Variants in FGF16 observed in about 807,000 individuals in gnomAD.
The protein encoded by FGF16 is fibroblast growth factor 16.
FGF16 carries 2 observed loss-of-function variants against 8.5 expected under a neutral mutation model. The observed-to-expected ratio is 0.24, with a 90% confidence interval of 0.10 to 0.75. The LOEUF (loss-of-function observed/expected upper bound fraction) is 0.75. FGF16 is among the 30% of genes least tolerant of loss of function. FGF16 has a pLI of 0.74. For synonymous variants in FGF16, 33 were observed against 34.6 expected (o/e 0.95, Z 0.16); for missense variants, 79 against 87.4 (o/e 0.90, Z 0.38).
chrX:77,447,904 C>T lies in FGF16; in HGVS notation c.230C>T (p.Pro77Leu). Residue 77 changes from proline (P) to leucine (L), a missense_variant, in exon 1 of 3, where the codon CCC (proline) becomes CTC (leucine). Transcript: ENST00000439435. Reference sequence around the variant, plus strand: ...ACCGGCTTCCACCTGGAGATCTTCCCCAACGGCACGGTGCACGGGACCCGC... The same window carrying T: ...ACCGGCTTCCACCTGGAGATCTTCCTCAACGGCACGGTGCACGGGACCCGC... ...CRTGFHLEIF[P>L]NGTVHGTRHD... 6.7e-6 allele frequency: 2 copies of T among 298,195 alleles called. No individual in the cohort carries two copies. Among genetic ancestry groups the T allele is most frequent in the Non-Finnish European group, 1.2e-5 (2 of 170,416 alleles). 24.6% of individuals were successfully genotyped at this position (298,195 alleles called of 1,213,427 possible).
chrX:77,453,789 AC>A (rs1298890691), intron 1 of FGF16, among the ~76,000 whole-genome samples: 1 of 111,447 alleles, frequency 9.0e-6, no homozygotes, highest in Non-Finnish European at 1.9e-5. Context: ...AGATACAGAA[AC>A]CTGTCCTTCT....
chrX:77,454,310 G>A (rs1415768172), intron 2 of FGF16, 50 bp downstream of exon 2: 1 of 624,232 alleles, frequency 1.6e-6, no homozygotes, highest in South Asian at 3.0e-5. Context: ...TTTGGTCAGA[G>A]GTTATTACAA....
In FGF16 at chrX:77,456,650, G is replaced by T. The variant is rs2062573427; in HGVS notation, c.*128G>T. The T allele has an allele frequency of 1.5e-6, 1 of 647,728 alleles. No homozygotes were observed. Among genetic ancestry groups the T allele is most frequent in the Non-Finnish European group, 2.4e-6 (1 of 423,944 alleles). The allele number at this position is 647,728 out of a possible 1,213,427, so 53.4% of individuals were successfully genotyped here. A position where few individuals can be genotyped will look rare whatever the true frequency, so the allele number is the denominator to read the frequency against. ...AGATAACAGAAAAGCACTTACTGTT[G>T]AACTCAACCCAGCTGTTCCCTTGTT... On this transcript the variant is annotated 3_prime_UTR_variant, in exon 3 of 3. Coordinates refer to ENST00000439435, the MANE Select transcript of FGF16 (RefSeq NM_003868.3).
intron 1 of FGF16, among the ~76,000 whole-genome samples, chrX:77,449,155 G>C (rs1252091162): frequency 8.9e-6 from 1 of 111,777 alleles, no homozygotes; most frequent in Non-Finnish European, 1.9e-5. Context: ...GGGCCAGTGC[G>C]GGGTAAGGCC....
At chrX:77,453,997 T>A (rs1425372154) in intron 1 of FGF16, among the ~76,000 whole-genome samples, 160 bp from the exon 2 acceptor site, 2 of 111,350 alleles carry the variant, frequency 1.8e-5, no homozygotes, top group Non-Finnish European at 1.9e-5. Flanking sequence ...TTCTCTGAGG[T>A]TCCATTCTTG....
intron 2 of FGF16, 80 bp downstream of exon 2, chrX:77,454,340 A>T: frequency 1.9e-6 from 1 of 538,947 alleles, no homozygotes. Flanking sequence ...GGACAATGTA[A>T]AGCAAAAGTA....
chrX:77,455,090 C>T (rs782420833), intron 2 of FGF16, among the ~76,000 whole-genome samples: 76 of 112,091 alleles, frequency 6.8e-4, no homozygotes, highest in African/African-American at 2.3e-3. Flanking sequence ...TGAGCCACTG[C>T]ACCCGGCCCC....
intron 1 of FGF16, among the ~76,000 whole-genome samples, chrX:77,453,168 C>T (rs1298278793): frequency 8.9e-6 from 1 of 111,752 alleles, no homozygotes; most frequent in East Asian, 2.8e-4. Flanking sequence ...ATGACTTAAA[C>T]AAGTTTTTGG....
intron 1 of FGF16, among the ~76,000 whole-genome samples, chrX:77,453,328 T>G (rs1423202551): frequency 8.9e-6 from 1 of 111,785 alleles, no homozygotes; most frequent in Non-Finnish European, 1.9e-5. Flanking sequence ...GTCCTTTTTC[T>G]CACTTAGGAC....
At chrX:77,452,767 T>C (rs1279456751) in intron 1 of FGF16, among the ~76,000 whole-genome samples, 1 of 112,066 alleles carries the variant, frequency 8.9e-6, no homozygotes, top group African/African-American at 3.2e-5. Context: ...TTACATAGAA[T>C]ATTATTACCC....
chrX:77,456,465 G>A lies in FGF16; in HGVS notation c.567G>A (p.Arg189=), dbSNP rs2062572772. The part of the protein sequence containing the change: ...RHQKFTHFLP[R]PVDPSKLPSM... ...AGAAATTCACTCACTTTTTACCCAG[G>A]CCTGTAGATCCTTCTAAGTTGCCCT... The change falls in exon 3 of 3, where the codon AGG becomes AGA. Residue 189 remains arginine, a synonymous_variant. Transcript: ENST00000439435. 1.7e-6 allele frequency: 2 copies of A among 1,207,681 alleles called. No homozygotes were observed. Among genetic ancestry groups the A allele is most frequent in the East Asian group, 5.9e-5 (2 of 33,810 alleles).
At chrX:77,448,575 C>T (rs182831779) in intron 1 of FGF16, among the ~76,000 whole-genome samples, 1 of 111,455 alleles carries the variant, frequency 9.0e-6, no homozygotes, top group African/African-American at 3.3e-5. Flanking sequence ...CAGCTTTTGC[C>T]GGAAACTACC....
chrX:77,456,540 C>G lies in FGF16; in HGVS notation c.*18C>G. 1.7e-6 allele frequency: 2 copies of G among 1,203,594 alleles called. No individual in the cohort carries two copies. Among genetic ancestry groups the G allele is most frequent in the South Asian group, 3.6e-5 (2 of 56,194 alleles). On this transcript the variant is annotated 3_prime_UTR_variant, in exon 3 of 3. Transcript: ENST00000439435. ...ATAGGTAATGAACCTCTGGTGTGCC[C>G]TCTGTGACCCATGTACCCTGGGGCC...
intron 1 of FGF16, among the ~76,000 whole-genome samples, chrX:77,451,715 C>T (rs1557026687): frequency 9.0e-6 from 1 of 111,630 alleles, no homozygotes; most frequent in Non-Finnish European, 1.9e-5. Context: ...TTTAATTTTA[C>T]ATGACCAATT....
In FGF16 at chrX:77,457,179, T is replaced by C. The variant is rs977075056; in HGVS notation, c.*657T>C. The C allele has an allele frequency of 8.9e-6, 1 of 112,134 alleles. No homozygotes were observed. The highest frequency in any genetic ancestry group is 1.9e-5 in the Non-Finnish European group (1 of 53,243). 9.2% of individuals were successfully genotyped at this position (112,134 alleles called of 1,213,427 possible). A position where few individuals can be genotyped will look rare whatever the true frequency, so the allele number is the denominator to read the frequency against. ...ATTTTATTTTTAATGAGAGATGCGATGGCTGGATTTTCATCAGAAAGAATA... is the reference window on the plus strand; with the variant it reads ...ATTTTATTTTTAATGAGAGATGCGACGGCTGGATTTTCATCAGAAAGAATA... On this transcript the variant is annotated 3_prime_UTR_variant, in exon 3 of 3. Transcript: ENST00000439435.
In FGF16 at chrX:77,447,561, G is replaced by T. The variant is rs926958453; in HGVS notation, c.-114G>T. 5.9e-5 allele frequency: 17 copies of T among 286,156 alleles called. No individual in the cohort carries two copies. The highest frequency in any genetic ancestry group is 9.8e-5 in the Non-Finnish European group (16 of 163,604). 23.6% of individuals were successfully genotyped at this position (286,156 alleles called of 1,213,427 possible). A position where few individuals can be genotyped will look rare whatever the true frequency, so the allele number is the denominator to read the frequency against. ...CAGAGCGCGGAGCAAGCGAGCTAGCGAGGGAGCGCCGCCGAACCGCCCGCG... is the reference window on the plus strand; with the variant it reads ...CAGAGCGCGGAGCAAGCGAGCTAGCTAGGGAGCGCCGCCGAACCGCCCGCG... On this transcript the variant is annotated 5_prime_UTR_variant, in exon 1 of 3. Transcript: ENST00000439435.
chrX:77,448,912 G>A (rs781824552), intron 1 of FGF16, among the ~76,000 whole-genome samples: 2 of 111,122 alleles, frequency 1.8e-5, no homozygotes, highest in Non-Finnish European at 3.8e-5. Context: ...TTGCCCCTCC[G>A]CATCCTCCAA....
At chrX:77,450,170 A>G (rs2062552796) in intron 1 of FGF16, among the ~76,000 whole-genome samples, 1 of 112,297 alleles carries the variant, frequency 8.9e-6, no homozygotes, top group Non-Finnish European at 1.9e-5. Flanking sequence ...CCAGCAGGGT[A>G]AAGTAGGCCA....
chrX:77,455,589 TG>T lies in FGF16; in HGVS notation c.379-686del, dbSNP rs781897940. On this transcript the variant is annotated intron_variant, in intron 2 of 2. Coordinates refer to ENST00000439435, the MANE Select transcript of FGF16 (RefSeq NM_003868.3). Reference sequence around the variant, plus strand: ...CTTTTAAGTCACATAGCATACTTTCTGGCTGCCTGCACCCCATGAAATCAGA... The same window carrying T: ...CTTTTAAGTCACATAGCATACTTTCTGCTGCCTGCACCCCATGAAATCAGA... 1.8e-3 allele frequency among the ~76,000 whole-genome samples: 199 copies of T among 111,691 alleles called. 2 individuals are homozygous for T. Among genetic ancestry groups the T allele is most frequent in the African/African-American group, 5.8e-3 (179 of 30,724 alleles).
Sources: gnomAD v4.1 joint callset for allele counts (sites outside exome capture counted in the v4.1 genomes callset) on GRCh38, gnomAD v4.1.1 for gene constraint, MANE v1.5 for transcripts, NCBI Gene and HGNC (gene_info 2026-07-23, HGNC 2026-07-21) for gene names.